The following ZBTB7C variants were observed in gnomAD, a reference collection of about 807,000 sequenced individuals.
ZBTB7C encodes the protein zinc finger and BTB domain-containing protein 7C.
Under a neutral mutation model 25.7 loss-of-function variants are expected in ZBTB7C, and 8 were observed. The observed-to-expected ratio is 0.31, with a 90% CI of 0.18 to 0.56. The LOEUF (loss-of-function observed/expected upper bound fraction) is 0.56, where lower values mean the gene tolerates loss of function less well. ZBTB7C is among the 20% of genes least tolerant of loss of function. The pLI is 0.91. For missense variants in ZBTB7C, 824 were observed against 855.2 expected, an observed-to-expected ratio of 0.96 and a Z score of 0.46; for synonymous variants, 394 against 369.0, an observed-to-expected ratio of 1.07 and a Z score of -0.78.
At chr18:48,034,445 C>G (rs1311293523) in intron 4 of ZBTB7C, among the ~76,000 whole-genome samples, 1 of 152,110 alleles carries the variant, frequency 6.6e-6, no homozygotes, top group African/African-American at 2.4e-5. Flanking sequence ...CACTGATGCT[C>G]TATCCTTAGG....
At position 48,226,934 on chromosome 18, in the gene ZBTB7C, C is replaced by T. The variant is rs1030147244; in HGVS notation, c.-78-40939G>A. 6.8e-5 allele frequency among the ~76,000 whole-genome samples: 10 copies of T among 148,094 alleles called. 1 individual carries two copies. Among genetic ancestry groups the T allele is most frequent in the African/African-American group, 1.0e-4 (4 of 39,904 alleles). On this transcript the variant is annotated intron_variant, in intron 2 of 4. Transcript: ENST00000590800. The stretch of plus-strand genomic sequence containing the variant: ...ACTCGGGAGGCTGAGGCAGGAGAAT[C>T]GCTTGAACCTGGGAGGTGGAGGTTG...
intron 2 of ZBTB7C, among the ~76,000 whole-genome samples, chr18:48,256,492 A>T (rs2044025492): frequency 6.6e-6 from 1 of 151,674 alleles, no homozygotes; most frequent in East Asian, 1.9e-4. Context: ...AAAAAAAAAA[A>T]ATAGAAGGCC....
At chr18:48,344,830 T>G (rs1177012921) in intron 1 of ZBTB7C, among the ~76,000 whole-genome samples, 1 of 152,320 alleles carries the variant, frequency 6.6e-6, no homozygotes, top group Middle Eastern at 3.4e-3. Context: ...ACCATGAAGG[T>G]TGTGCTGTGG....
chr18:48,354,357 A>G (rs1200824106), intron 1 of ZBTB7C, among the ~76,000 whole-genome samples: 3 of 152,098 alleles, frequency 2.0e-5, no homozygotes, highest in South Asian at 4.2e-4. Context: ...GACCTTATCA[A>G]TCTCAACATC....
At chr18:48,172,361 C>G (rs9947568) in intron 3 of ZBTB7C, among the ~76,000 whole-genome samples, 80,570 of 151,936 alleles carry the variant, frequency 0.53, 21,909 homozygotes, top group Middle Eastern at 0.59. Context: ...CAGGGGGGCA[C>G]GGAGGGCTGG....
intron 2 of ZBTB7C, among the ~76,000 whole-genome samples, chr18:48,235,178 T>C (rs887425167): frequency 2.0e-5 from 3 of 152,206 alleles, no homozygotes; most frequent in Non-Finnish European, 4.4e-5. Flanking sequence ...TAATGACTAA[T>C]AGAGATATAC....
intron 2 of ZBTB7C, among the ~76,000 whole-genome samples, chr18:48,266,143 TA>T (rs774891199): frequency 1.1e-4 from 16 of 152,212 alleles, no homozygotes; most frequent in Non-Finnish European, 2.4e-4. Context: ...TTCAAAATTT[TA>T]AAAATTCAAA....
intron 3 of ZBTB7C, among the ~76,000 whole-genome samples, chr18:48,045,627 G>T (rs79309170): frequency 1.3e-5 from 2 of 152,052 alleles, no homozygotes; most frequent in African/African-American, 4.8e-5. Flanking sequence ...CACTTCCGGG[G>T]GTCCACATCC....
intron 2 of ZBTB7C, among the ~76,000 whole-genome samples, chr18:48,314,132 C>T (rs1005182746): frequency 5.9e-5 from 9 of 152,160 alleles, no homozygotes; most frequent in South Asian, 2.1e-4. Flanking sequence ...TTCGTAGCAA[C>T]GCAAGAACGA....
chr18:48,324,343 G>A (rs1172057668), intron 2 of ZBTB7C, among the ~76,000 whole-genome samples: 1 of 152,108 alleles, frequency 6.6e-6, no homozygotes, highest in Non-Finnish European at 1.5e-5. Context: ...ACCCTAAGAT[G>A]GGAAAGAGTA....
In ZBTB7C at chr18:48,040,678, C is replaced by CGTCATCGTCCTCCTT; in HGVS notation, c.415_429dup (p.Lys139_Asp143dup). 7 of 1,613,838 alleles carry CGTCATCGTCCTCCTT rather than the reference C, an allele frequency of 4.3e-6. No individual in the cohort carries two copies. Among genetic ancestry groups the CGTCATCGTCCTCCTT allele is most frequent in the Non-Finnish European group, 5.9e-6 (7 of 1,179,862 alleles). On this transcript the variant is annotated inframe_insertion, in exon 4 of 5. Coordinates refer to ENST00000590800, the MANE Select transcript of ZBTB7C (RefSeq NM_001318841.2). ...TCCTCATCATCATCATCTTCGTCGT[C>CGTCATCGTCCTCCTT]GTCATCGTCCTCCTTGTCATCCTCC... is the stretch of plus-strand genomic sequence containing the variant.
intron 3 of ZBTB7C, among the ~76,000 whole-genome samples, chr18:48,153,427 G>T (rs887512074): frequency 3.9e-5 from 6 of 152,094 alleles, no homozygotes; most frequent in African/African-American, 1.2e-4. Context: ...CTCTCCCTGG[G>T]TAATTCAGGG....
intron 3 of ZBTB7C, among the ~76,000 whole-genome samples, chr18:48,118,271 G>A (rs1445606377): frequency 2.6e-5 from 4 of 152,140 alleles, no homozygotes; most frequent in Non-Finnish European, 5.9e-5. Context: ...CTCCCAAAGT[G>A]CTGGGATTAC....
At chr18:48,233,328 C>T (rs915884740) in intron 2 of ZBTB7C, among the ~76,000 whole-genome samples, 1 of 152,200 alleles carries the variant, frequency 6.6e-6, no homozygotes, top group African/African-American at 2.4e-5. Context: ...ACTTGCCAGC[C>T]TTCAGAACTG....
chr18:48,209,729 T>A (rs1006001553), intron 2 of ZBTB7C, among the ~76,000 whole-genome samples: 1 of 151,500 alleles, frequency 6.6e-6, no homozygotes, highest in Non-Finnish European at 1.5e-5. Context: ...AACTCCCACC[T>A]GGGCAACAGA....
intron 2 of ZBTB7C, among the ~76,000 whole-genome samples, chr18:48,213,828 G>A (rs377122103): frequency 2.6e-4 from 40 of 152,354 alleles, no homozygotes; most frequent in African/African-American, 9.4e-4. Context: ...GGCAATGTCA[G>A]AGCAAAGGAG....
chr18:48,320,021 T>G (rs2046052290), intron 2 of ZBTB7C, among the ~76,000 whole-genome samples: 1 of 151,350 alleles, frequency 6.6e-6, no homozygotes, highest in Non-Finnish European at 1.5e-5. Flanking sequence ...GGGAGATGAG[T>G]AAGCAAAAGA....
chr18:48,175,891 GC>G (rs2041658430), intron 3 of ZBTB7C, among the ~76,000 whole-genome samples: 1 of 152,308 alleles, frequency 6.6e-6, no homozygotes, highest in African/African-American at 2.4e-5. Context: ...AATGCAAAGG[GC>G]CCATTGGCAA....
Position 48,040,907 on chromosome 18 carries a change from G to A in ZBTB7C, c.201C>T (p.Thr67=), listed in dbSNP as rs1052152294. 1 of 1,614,150 alleles carries A rather than the reference G, an allele frequency of 6.2e-7. No individual in the cohort carries two copies. Among genetic ancestry groups the A allele is most frequent in the African/African-American group, 1.3e-5 (1 of 75,044 alleles). The change falls in exon 4 of 5, where the codon ACC becomes ACT. Residue 67 remains threonine (T), a synonymous_variant. Transcript: ENST00000590800. Reference sequence around the variant, plus strand: ...CATAGACGTAGGGCTGGCTGGCTAGGGTGCCGGCTGTGAAAAGCTTCTTGA... The same window carrying A: ...CATAGACGTAGGGCTGGCTGGCTAGAGTGCCGGCTGTGAAAAGCTTCTTGA... ...KYFKKLFTAG[T]LASQPYVYEI...
Sources: gnomAD v4.1 joint callset for allele counts (sites outside exome capture counted in the v4.1 genomes callset) on GRCh38, gnomAD v4.1.1 for gene constraint, MANE v1.5 for transcripts, NCBI Gene and HGNC (gene_info 2026-07-23, HGNC 2026-07-21) for gene names.